Variants in TLN2 observed in about 807,000 individuals in gnomAD.
TLN2 encodes talin 2, also known as talin-2.
In TLN2, 118 loss-of-function variants were observed where a neutral mutation model predicts 294.7. The ratio of observed to expected loss-of-function variants is 0.40; its 90% CI spans 0.34 to 0.47. TLN2 has a LOEUF of 0.47. TLN2 is among the 20% of genes least tolerant of loss of function. The pLI is 0.84. For synonymous variants in TLN2, 1,431 were observed against 1,304.5 expected, an observed-to-expected ratio of 1.10 and a Z score of -2.09; for missense variants, 3,083 against 3,282.2, an observed-to-expected ratio of 0.94 and a Z score of 1.48.
rs138929602 is a variant in TLN2, at chr15:62,781,179, G to T, written c.5554G>T (p.Val1852Phe). ...TCCTCCAGAACCAAAGGGAACATTT[G>T]TCGACTATCAGACGACTGTGGTTAA... The part of the protein sequence containing the change: ...GTPPEPKGTF[V>F]DYQTTVVKYS... The change falls in exon 44 of 59, where the codon GTC becomes TTC. Residue 1852 changes from valine (V) to phenylalanine (F), a missense_variant. Transcript: ENST00000636159. 6.8e-6 allele frequency: 11 copies of T among 1,614,048 alleles called. No homozygotes were observed. The highest frequency in any genetic ancestry group is 9.3e-6 in the Non-Finnish European group (11 of 1,180,024).
intron 12 of TLN2, among the ~76,000 whole-genome samples, chr15:62,690,769 G>C (rs1380751741): frequency 1.3e-5 from 2 of 150,892 alleles, no homozygotes; most frequent in African/African-American, 2.5e-5. Context: ...CCGGCACCTC[G>C]GGAGGCCGAG....
At chr15:62,459,100 A>T (rs2036646745) in intron 1 of TLN2, among the ~76,000 whole-genome samples, 1 of 151,906 alleles carries the variant, frequency 6.6e-6, no homozygotes, top group African/African-American at 2.4e-5. Flanking sequence ...TCCTGGGTTC[A>T]AGTTATTCTC....
intron 54 of TLN2, chr15:62,824,105 G>C (rs2067824235): frequency 2.4e-6 from 1 of 418,600 alleles, no homozygotes; most frequent in African/African-American, 2.1e-5. Context: ...AAAATCACAA[G>C]TAGATTTAGA....
chr15:62,750,318 A>G, intron 33 of TLN2, 84 bp from the exon 34 acceptor site: 1 of 1,074,706 alleles, frequency 9.3e-7, no homozygotes, highest in Non-Finnish European at 1.4e-6. Flanking sequence ...GTATGGAGGG[A>G]GAGTTGATAG....
chr15:62,797,005 A>C (rs2065531977), intron 47 of TLN2, among the ~76,000 whole-genome samples: 1 of 152,210 alleles, frequency 6.6e-6, no homozygotes, highest in South Asian at 2.1e-4. Context: ...TCAGTCGGCT[A>C]TGTGAATGAA....
intron 35 of TLN2, 31 bp downstream of exon 35, chr15:62,752,458 C>T (rs1468652321): frequency 6.2e-7 from 1 of 1,610,880 alleles, no homozygotes; most frequent in Admixed American, 1.7e-5. Flanking sequence ...CAGCCATGTG[C>T]CCTGTGCCAG....
intron 9 of TLN2, among the ~76,000 whole-genome samples, chr15:62,669,754 G>C (rs1596598019): frequency 2.0e-5 from 3 of 152,318 alleles, no homozygotes; most frequent in East Asian, 3.9e-4. Context: ...AACTGAGCTG[G>C]AACTACTGCG....
At position 62,797,414 on chromosome 15, in the gene TLN2, G is replaced by C; in HGVS notation, c.6234+12G>C. ...ACCCCGAGACCCAGGTACCAGCAGG[G>C]CCTGGGGAGTGCGTCCTCCCGGTCT... On this transcript the variant is annotated intron_variant, in intron 48 of 58. Transcript: ENST00000636159. 3.8e-6 allele frequency: 6 copies of C among 1,582,514 alleles called. No individual in the cohort carries two copies. Among genetic ancestry groups the C allele is most frequent in the Non-Finnish European group, 5.1e-6 (6 of 1,168,880 alleles).
intron 34 of TLN2, 38 bp from the exon 35 acceptor site, chr15:62,752,267 T>C: frequency 6.2e-7 from 1 of 1,611,434 alleles, no homozygotes; most frequent in East Asian, 2.2e-5. Context: ...TTTGAGGCAA[T>C]GCTGGATAGA....
Position 62,781,144 on chromosome 15 carries a change from A to C in TLN2, c.5519A>C (p.Asp1840Ala). The change falls in exon 44 of 59, where the codon GAT (aspartate) becomes GCT (alanine). Residue 1840 changes from aspartate to alanine, a missense_variant. Asp to Ala is a moderately radical substitution (Grantham distance 126). Transcript: ENST00000636159. ...TTCTTTTCCTCTCCTCTGTAGCTGGATGAAGGCACTCCTCCAGAACCAAAG... is the reference window on the plus strand; with the variant it reads ...TTCTTTTCCTCTCCTCTGTAGCTGGCTGAAGGCACTCCTCCAGAACCAAAG... ...DAIAEAMSKL[D>A]EGTPPEPKGT... 6.2e-7 allele frequency: 1 copy of C among 1,613,786 alleles called. No homozygotes were observed. The highest frequency in any genetic ancestry group is 1.3e-5 in the African/African-American group (1 of 75,022).
intron 1 of TLN2, among the ~76,000 whole-genome samples, chr15:62,549,495 T>TCCAA (rs2042179171): frequency 6.6e-6 from 1 of 151,036 alleles, no homozygotes; most frequent in African/African-American, 2.5e-5. Context: ...CATCCATCCA[T>TCCAA]CCATCCATCC....
rs117878324 is a variant in TLN2, at chr15:62,755,220, C to T, written c.4477-312C>T. On this transcript the variant is annotated intron_variant, in intron 36 of 58. Coordinates refer to ENST00000636159, the MANE Select transcript of TLN2 (RefSeq NM_015059.3). ...GTATGTGTAGACCTTGGTCTAGATG[C>T]TATACCCTGGACCTCCTATCTGGGG... is the stretch of plus-strand genomic sequence containing the variant. 5.6e-5 allele frequency: 14 copies of T among 249,862 alleles called. No individual in the cohort carries two copies. In the East Asian group the frequency reaches 1.2e-3, roughly 22 times the overall value. 15.5% of individuals were successfully genotyped at this position (249,862 alleles called of 1,614,324 possible). A position where few individuals can be genotyped will look rare whatever the true frequency, so the allele number is the denominator to read the frequency against.
rs28706393 is a variant in TLN2 at position 62,798,560 on chromosome 15, A to C, written c.6234+1158A>C. Among the ~76,000 whole-genome samples the C allele has an allele frequency of 4.8e-3, 731 of 151,632 alleles. 5 individuals carry two copies. Among genetic ancestry groups the C allele is most frequent in the East Asian group, 0.02 (102 of 5,176 alleles). On this transcript the variant is annotated intron_variant, in intron 48 of 58. Transcript: ENST00000636159. ...TTTAAAAAACAAAAACAAAACAAAA[A>C]AAAAAAACCTCTGTTCTCTCTGTTC...
chr15:62,658,185 C>CAAAA (rs55907989), intron 9 of TLN2: 67 of 168,576 alleles, frequency 4.0e-4, no homozygotes, highest in South Asian at 6.2e-4. Context: ...AAAAAAAAAC[C>CAAAA]AAAAAAAAAA....
intron 9 of TLN2, among the ~76,000 whole-genome samples, chr15:62,670,863 CTT>C (rs113898111): frequency 4.6e-5 from 7 of 152,178 alleles, no homozygotes; most frequent in African/African-American, 1.7e-4. Flanking sequence ...AACTACCAAA[CTT>C]TTTTACAGCA....
rs138918367 is a variant in TLN2 at position 62,756,403 on chromosome 15, C to G, written c.4638+710C>G. Among the ~76,000 whole-genome samples, 1,319 of 152,232 alleles carry G rather than the reference C, an allele frequency of 8.7e-3. 21 individuals carry two copies. Among genetic ancestry groups the G allele is most frequent in the African/African-American group, 0.029 (1,188 of 41,534 alleles). ...AAACACAGTCTGCCCTCAGCTAGGACCAAGCAGGCAGCAGGCAGCTGACCT... is the reference window on the plus strand; with the variant it reads ...AAACACAGTCTGCCCTCAGCTAGGAGCAAGCAGGCAGCAGGCAGCTGACCT... On this transcript the variant is annotated intron_variant, in intron 37 of 58. Transcript: ENST00000636159.
At chr15:62,658,772 C>T (rs1433089697) in intron 9 of TLN2, among the ~76,000 whole-genome samples, 9 of 152,174 alleles carry the variant, frequency 5.9e-5, no homozygotes, top group South Asian at 2.1e-4. Flanking sequence ...CGCCACCTAT[C>T]GAAGGCCATG....
In TLN2 at chr15:62,841,717, C is replaced by G. The variant is rs926455682; in HGVS notation, c.*1107C>G. The G allele has an allele frequency of 1.3e-5, 2 of 152,118 alleles. No homozygotes were observed. The highest frequency in any genetic ancestry group is 2.9e-5 in the Non-Finnish European group (2 of 68,012). 9.4% of individuals were successfully genotyped at this position (152,118 alleles called of 1,614,324 possible). A position where few individuals can be genotyped will look rare whatever the true frequency, so the allele number is the denominator to read the frequency against. ...TTTTCATTTTCTGGATGTCACACTT[C>G]CAGAATTTCATATTTTTCCCCTCTT... On this transcript the variant is annotated 3_prime_UTR_variant, in exon 59 of 59. Coordinates refer to ENST00000636159, the MANE Select transcript of TLN2 (RefSeq NM_015059.3).
intron 1 of TLN2, among the ~76,000 whole-genome samples, chr15:62,573,060 C>G (rs1167759990): frequency 1.3e-5 from 2 of 152,222 alleles, no homozygotes; most frequent in South Asian, 2.1e-4. Context: ...ACTCAGCCCC[C>G]AAGCTGACCC....
Sources: allele counts gnomAD v4.1 joint callset (sites outside exome capture counted in the v4.1 genomes callset), GRCh38; gene constraint gnomAD v4.1.1; transcripts MANE v1.5; gene names NCBI Gene and HGNC (gene_info 2026-07-23, HGNC 2026-07-21).